The following TTC33 variants were observed in gnomAD, a reference collection of about 807,000 sequenced individuals.
The protein encoded by TTC33 is tetratricopeptide repeat protein 33.
A neutral mutation model predicts 29.4 loss-of-function variants in TTC33; 24 were observed. The observed-to-expected ratio is 0.82, with a 90% CI of 0.59 to 1.15. The LOEUF is 1.15. Ranked by LOEUF, TTC33 falls within the 50% of genes most tolerant of loss-of-function variation. The pLI is 0.00. For synonymous variants in TTC33, 107 were observed against 100.3 expected (o/e 1.07, Z -0.40); for missense variants, 286 against 310.4 (o/e 0.92, Z 0.59).
At chr5:40,728,869 G>A (rs374130266) in intron 3 of TTC33, among the ~76,000 whole-genome samples, 23 of 152,146 alleles carry the variant, frequency 1.5e-4, no homozygotes, top group African/African-American at 4.3e-4. Context: ...CAGCCATCCC[G>A]TCCCTAATGA....
At chr5:40,751,411 G>A (rs1388647040) in intron 1 of TTC33, among the ~76,000 whole-genome samples, 3 of 152,220 alleles carry the variant, frequency 2.0e-5, no homozygotes, top group African/African-American at 7.2e-5. Flanking sequence ...GCTGTAAACA[G>A]ATGTGCCATC....
At chr5:40,740,065 T>C (rs1579687131) in intron 2 of TTC33, among the ~76,000 whole-genome samples, 3 of 152,288 alleles carry the variant, frequency 2.0e-5, no homozygotes, top group East Asian at 3.9e-4. Context: ...AACAGCCTAA[T>C]AGCAATATAA....
intron 1 of TTC33, among the ~76,000 whole-genome samples, chr5:40,753,342 C>T (rs369832140): frequency 1.1e-4 from 17 of 149,610 alleles, no homozygotes; most frequent in Non-Finnish European, 1.6e-4. Flanking sequence ...CCAGCCTGAG[C>T]GACACGAGCA....
intron 2 of TTC33, among the ~76,000 whole-genome samples, chr5:40,745,210 T>G (rs926531616): frequency 6.6e-6 from 1 of 152,150 alleles, no homozygotes; most frequent in Non-Finnish European, 1.5e-5. Context: ...ACATGTACTG[T>G]AAAAGACATT....
intron 2 of TTC33, among the ~76,000 whole-genome samples, chr5:40,745,365 T>A (rs766146367): frequency 6.6e-6 from 1 of 152,172 alleles, no homozygotes; most frequent in African/African-American, 2.4e-5. Context: ...GGTGTCATAA[T>A]GTCTGAAACT....
chr5:40,735,493 CAG>C (rs1742529688), intron 2 of TTC33, among the ~76,000 whole-genome samples: 1 of 152,120 alleles, frequency 6.6e-6, no homozygotes, highest in Non-Finnish European at 1.5e-5. Flanking sequence ...ACCTGGAAAA[CAG>C]AGCCTGAGGC....
intron 4 of TTC33, 79 bp downstream of exon 4, chr5:40,728,266 A>T: frequency 1.6e-6 from 1 of 630,898 alleles, no homozygotes; most frequent in Non-Finnish European, 2.3e-6. Flanking sequence ...CCTGGGTGAC[A>T]TCAAGACTCC....
At chr5:40,734,519 T>A (rs1742503957) in intron 2 of TTC33, among the ~76,000 whole-genome samples, 1 of 152,064 alleles carries the variant, frequency 6.6e-6, no homozygotes, top group South Asian at 2.1e-4. Flanking sequence ...CAGGGCAGGA[T>A]GAGATAATGC....
intron 4 of TTC33, among the ~76,000 whole-genome samples, chr5:40,722,863 G>T (rs1173342158): frequency 2.0e-5 from 3 of 151,562 alleles, no homozygotes; most frequent in African/African-American, 7.3e-5. Flanking sequence ...GGGAGGTGGG[G>T]GGCGCCTCCG....
At chr5:40,735,546 C>T (rs192486411) in intron 2 of TTC33, among the ~76,000 whole-genome samples, 1 of 152,196 alleles carries the variant, frequency 6.6e-6, no homozygotes, top group Admixed American at 6.5e-5. Context: ...GGATAGGATC[C>T]CACGCAATCA....
chr5:40,718,230 C>T (rs1371388060), intron 4 of TTC33, among the ~76,000 whole-genome samples: 1 of 151,310 alleles, frequency 6.6e-6, no homozygotes, highest in African/African-American at 2.4e-5. Flanking sequence ...ATGACAAAAC[C>T]CCGTCTCTAC....
At chr5:40,736,545 G>C (rs958217382) in intron 2 of TTC33, among the ~76,000 whole-genome samples, 3 of 151,806 alleles carry the variant, frequency 2.0e-5, no homozygotes, top group Non-Finnish European at 2.9e-5. Context: ...CTCTTGAGAA[G>C]GTATAACCTA....
chr5:40,722,873 G>A lies in TTC33; in HGVS notation c.435+5472C>T, dbSNP rs533538669. Among the ~76,000 whole-genome samples, 21 of 150,754 alleles carry A rather than the reference G, an allele frequency of 1.4e-4. No individual in the cohort carries two copies. In the South Asian group the frequency reaches 1.9e-3, roughly 14 times the overall value. ...CGTCCGGGAGGTGGGGGGCGCCTCC[G>A]CCCGGCTGCCCCATCTGGGAAGTGA... On this transcript the variant is annotated intron_variant, in intron 4 of 4. Transcript: ENST00000337702.
intron 3 of TTC33, among the ~76,000 whole-genome samples, chr5:40,729,839 C>T (rs982264615): frequency 6.6e-6 from 1 of 152,190 alleles, no homozygotes; most frequent in African/African-American, 2.4e-5. Context: ...GCTGGGACTA[C>T]AGGCATGTGC....
At chr5:40,733,852 G>T (rs1742488845) in intron 2 of TTC33, among the ~76,000 whole-genome samples, 1 of 152,088 alleles carries the variant, frequency 6.6e-6, no homozygotes, top group African/African-American at 2.4e-5. Flanking sequence ...ACCATCACTA[G>T]TTTTTTCTTT....
At chr5:40,720,976 C>A (rs1344726334) in intron 4 of TTC33, among the ~76,000 whole-genome samples, 1 of 152,148 alleles carries the variant, frequency 6.6e-6, no homozygotes, top group Non-Finnish European at 1.5e-5. Context: ...CATAATCTAA[C>A]CACCTACAGG....
intron 1 of TTC33, among the ~76,000 whole-genome samples, chr5:40,753,063 C>T (rs1333428574): frequency 6.6e-6 from 1 of 152,130 alleles, no homozygotes; most frequent in Admixed American, 6.5e-5. Context: ...CAATAAATCA[C>T]AGCAATCAAG....
At chr5:40,721,551 C>T (rs757703166) in intron 4 of TTC33, among the ~76,000 whole-genome samples, 2 of 151,920 alleles carry the variant, frequency 1.3e-5, no homozygotes, top group East Asian at 1.9e-4. Context: ...ACCGGATATC[C>T]GCGTGCAAAA....
At chr5:40,722,323 G>A (rs1052136894) in intron 4 of TTC33, among the ~76,000 whole-genome samples, 7 of 152,054 alleles carry the variant, frequency 4.6e-5, no homozygotes, top group African/African-American at 1.4e-4. Context: ...CTGCCCGGCC[G>A]CCACCCCGTC....
Sources: gnomAD v4.1 joint callset for allele counts (sites outside exome capture counted in the v4.1 genomes callset) on GRCh38, gnomAD v4.1.1 for gene constraint, MANE v1.5 for transcripts, NCBI Gene and HGNC (gene_info 2026-07-23, HGNC 2026-07-21) for gene names.